The following SAMD5 variants were observed in gnomAD, a reference collection of about 807,000 sequenced individuals.
SAMD5 encodes sterile alpha motif domain containing 5, also known as sterile alpha motif domain-containing protein 5.
SAMD5 carries 13 observed loss-of-function variants against 11.3 expected under a neutral mutation model. That is an observed-to-expected ratio of 1.15 (90% CI 0.75 to 1.83). The LOEUF is 1.83. Ranked by LOEUF, SAMD5 falls within the 40% of genes most tolerant of loss-of-function variation. The pLI, the probability that SAMD5 is intolerant of heterozygous loss-of-function variation, is 0.00. For missense variants in SAMD5, 255 were observed against 239.1 expected (o/e 1.07, Z -0.44); for synonymous variants, 129 against 111.3 (o/e 1.16, Z -1.00).
At chr6:147,644,148 G>T (rs1790359598) in intron 1 of SAMD5, among the ~76,000 whole-genome samples, 1 of 152,048 alleles carries the variant, frequency 6.6e-6, no homozygotes, top group Non-Finnish European at 1.5e-5. Context: ...GTAAAATGTA[G>T]ACACCAAGCC....
chr6:147,584,201 A>G (rs747244704), intron 1 of SAMD5, among the ~76,000 whole-genome samples: 1 of 152,122 alleles, frequency 6.6e-6, no homozygotes, highest in Non-Finnish European at 1.5e-5. Flanking sequence ...ACATTAATAT[A>G]TTATTAATAT....
the SAMD5 span, among the ~76,000 whole-genome samples, chr6:147,768,501 C>T: frequency 6.6e-6 from 1 of 151,162 alleles, no homozygotes; most frequent in Non-Finnish European, 1.5e-5. Context: ...CCGTCTCAAA[C>T]AAAACAAAAC....
intron 1 of SAMD5, among the ~76,000 whole-genome samples, chr6:147,703,432 G>A (rs1791283015): frequency 6.6e-6 from 1 of 152,078 alleles, no homozygotes; most frequent in African/African-American, 2.4e-5. Context: ...CATTTCATTT[G>A]GTCCCTATTG....
chr6:147,845,390 TG>T, the SAMD5 span, among the ~76,000 whole-genome samples: 1 of 152,152 alleles, frequency 6.6e-6, no homozygotes, highest in Admixed American at 6.6e-5. Context: ...CAAGGAAAAT[TG>T]ATAAACTGGT....
At chr6:147,517,845 T>G (rs907515006) in intron 1 of SAMD5, among the ~76,000 whole-genome samples, 2 of 151,534 alleles carry the variant, frequency 1.3e-5, no homozygotes, top group Non-Finnish European at 2.9e-5. Context: ...AAATGGAAAA[T>G]GTAATCTTGG....
intron 1 of SAMD5, among the ~76,000 whole-genome samples, chr6:147,541,534 G>T (rs962137714): frequency 6.6e-6 from 1 of 152,130 alleles, no homozygotes; most frequent in African/African-American, 2.4e-5. Flanking sequence ...GGGTCTCTGG[G>T]CAAGGCAAAG....
At chr6:147,838,539 C>CT in the SAMD5 span, among the ~76,000 whole-genome samples, 130 of 145,544 alleles carry the variant, frequency 8.9e-4, 6 homozygotes, top group African/African-American at 3.1e-3. Flanking sequence ...CTGCCCCCCC[C>CT]CCGTAGTTAT....
chr6:147,950,174 A>G, the SAMD5 span, among the ~76,000 whole-genome samples: 2 of 152,202 alleles, frequency 1.3e-5, no homozygotes, highest in South Asian at 2.1e-4. Flanking sequence ...TTATTTTTCT[A>G]TGACTAATAT....
At chr6:147,561,258 G>C (rs1562320910) in intron 1 of SAMD5, among the ~76,000 whole-genome samples, 1 of 152,106 alleles carries the variant, frequency 6.6e-6, no homozygotes, top group Non-Finnish European at 1.5e-5. Context: ...CCTGATCTCG[G>C]CTCACTGCAA....
At chr6:147,599,369 A>G (rs1183046579) in intron 1 of SAMD5, among the ~76,000 whole-genome samples, 1 of 152,238 alleles carries the variant, frequency 6.6e-6, no homozygotes, top group East Asian at 1.9e-4. Context: ...ACAATTTAAA[A>G]TTTGCAGTGA....
At chr6:147,870,446 G>C in the SAMD5 span, among the ~76,000 whole-genome samples, 2 of 112,790 alleles carry the variant, frequency 1.8e-5, no homozygotes. Context: ...GTGTGTGTGT[G>C]TGAGTGTGTG....
the SAMD5 span, among the ~76,000 whole-genome samples, chr6:147,815,899 T>C: frequency 6.6e-6 from 1 of 152,104 alleles, no homozygotes; most frequent in African/African-American, 2.4e-5. Context: ...TGAGTATACT[T>C]GATAGTGGAT....
intron 1 of SAMD5, among the ~76,000 whole-genome samples, chr6:147,718,323 T>C (rs1157155275): frequency 1.3e-5 from 2 of 152,134 alleles, no homozygotes; most frequent in Non-Finnish European, 2.9e-5. Flanking sequence ...AAATCACACA[T>C]TGCACCTGGA....
the SAMD5 span, among the ~76,000 whole-genome samples, chr6:147,869,384 C>T: frequency 6.6e-6 from 1 of 152,144 alleles, no homozygotes; most frequent in South Asian, 2.1e-4. Flanking sequence ...GATTTCAGGT[C>T]CTGCCTCCAA....
chr6:147,648,401 C>T (rs555785520), intron 1 of SAMD5, among the ~76,000 whole-genome samples: 27 of 152,308 alleles, frequency 1.8e-4, no homozygotes, highest in African/African-American at 5.8e-4. Context: ...ATTACCTCCA[C>T]CTGGTCTCTC....
At chr6:147,908,526 C>T in the SAMD5 span, among the ~76,000 whole-genome samples, 6 of 152,308 alleles carry the variant, frequency 3.9e-5, no homozygotes, top group South Asian at 6.2e-4. Flanking sequence ...TATCCTCTTC[C>T]GATTCATTGT....
chr6:147,645,465 A>G (rs1790383606), intron 1 of SAMD5, among the ~76,000 whole-genome samples: 1 of 152,128 alleles, frequency 6.6e-6, no homozygotes, highest in Admixed American at 6.5e-5. Context: ...GTTGATTCCC[A>G]TGTTAGAATA....
At chr6:147,877,895 CTA>C in the SAMD5 span, among the ~76,000 whole-genome samples, 441 of 59,270 alleles carry the variant, frequency 7.4e-3, 2 homozygotes, top group Middle Eastern at 8.9e-3. Flanking sequence ...AGATAGATAG[CTA>C]GATAGATAGA....
At chr6:147,599,687 A>T (rs926141516) in intron 1 of SAMD5, among the ~76,000 whole-genome samples, 6 of 152,164 alleles carry the variant, frequency 3.9e-5, no homozygotes, top group African/African-American at 1.4e-4. Context: ...TTGTCAGTTC[A>T]TATTTCTGTT....
Sources: allele counts gnomAD v4.1 joint callset (sites outside exome capture counted in the v4.1 genomes callset), GRCh38; gene constraint gnomAD v4.1.1; transcripts MANE v1.5; gene names NCBI Gene and HGNC (gene_info 2026-07-23, HGNC 2026-07-21).